Variants in HMCN1 observed in about 807,000 individuals in gnomAD.
The protein encoded by HMCN1 is hemicentin-1.
In HMCN1, 321 loss-of-function variants were observed where a neutral mutation model predicts 625.9. That is an observed-to-expected ratio of 0.51 (90% CI 0.47 to 0.56). The LOEUF (loss-of-function observed/expected upper bound fraction) is 0.56, where lower values mean the gene tolerates loss of function less well. HMCN1 is among the 20% of genes least tolerant of loss of function. The pLI is 0.00. For synonymous variants in HMCN1, 2,425 were observed against 2,417.6 expected (o/e 1.00, Z -0.09); for missense variants, 6,588 against 6,887.3 (o/e 0.96, Z 1.54).
At chr1:186,029,602 A>G (rs927853117) in intron 36 of HMCN1, among the ~76,000 whole-genome samples, 6 of 151,440 alleles carry the variant, frequency 4.0e-5, no homozygotes, top group Non-Finnish European at 8.8e-5. Context: ...GATTGTAGTA[A>G]TTAGATCTTC....
Position 186,107,007 on chromosome 1 carries a change from C to A in HMCN1, c.10852+42C>A, listed in dbSNP as rs555684621. The A allele has an allele frequency of 1.4e-5, 17 of 1,190,208 alleles. No individual in the cohort carries two copies. In the East Asian group the frequency reaches 3.5e-4, roughly 24 times the overall value. The allele number at this position is 1,190,208 out of a possible 1,614,324, so 73.7% of individuals were successfully genotyped here. On this transcript the variant is annotated intron_variant, in intron 70 of 106. Coordinates refer to ENST00000271588, the MANE Select transcript of HMCN1 (RefSeq NM_031935.3). ...ATCCTACAGTCTATCATACACACAC[C>A]TAATTAGAAAACCCTGGGACAACAC... is the stretch of plus-strand genomic sequence containing the variant.
chr1:185,982,893 A>G (rs1281064753), intron 18 of HMCN1, among the ~76,000 whole-genome samples: 1 of 152,154 alleles, frequency 6.6e-6, no homozygotes, highest in African/African-American at 2.4e-5. Flanking sequence ...TGGCATTAAT[A>G]AAATGGAGAA....
At chr1:185,795,538 C>A (rs1446956828) in intron 1 of HMCN1, among the ~76,000 whole-genome samples, 1 of 152,178 alleles carries the variant, frequency 6.6e-6, no homozygotes, top group Non-Finnish European at 1.5e-5. Context: ...GTGCCAAATT[C>A]TACTTTACTA....
intron 65 of HMCN1, 71 bp downstream of exon 65, chr1:186,093,329 C>A: frequency 6.3e-7 from 1 of 1,599,064 alleles, no homozygotes; most frequent in Non-Finnish European, 8.6e-7. Flanking sequence ...GAAGGCCCAG[C>A]AGCAGGTGTC....
At chr1:186,179,118 A>G (rs1360655277) in intron 104 of HMCN1, among the ~76,000 whole-genome samples, 1 of 152,210 alleles carries the variant, frequency 6.6e-6, no homozygotes, top group Non-Finnish European at 1.5e-5. Flanking sequence ...ACGTAATGCC[A>G]TCAGATTATG....
chr1:186,055,663 T>C lies in HMCN1; in HGVS notation c.7133T>C (p.Leu2378Ser). 6.2e-7 allele frequency: 1 copy of C among 1,612,472 alleles called. No homozygotes were observed. Among genetic ancestry groups the C allele is most frequent in the Non-Finnish European group, 8.5e-7 (1 of 1,178,890 alleles). ...GGAATGACTGACAAAAAATATGACT[T>C]AAGTGTCCATGGTAAGTAGAAAGAG... Reference protein sequence around the residue: ...VAGMTDKKYDLSVHAPPSIIG... With the variant: ...VAGMTDKKYDSSVHAPPSIIG... Residue 2378 changes from leucine (L) to serine (S), a missense_variant, in exon 45 of 107, where the codon TTA becomes TCA. Around this residue, in one of 3 missense-constraint regions of HMCN1, gnomAD observed 4,628 missense variants for 4,853.1 expected, o/e 0.95. Transcript: ENST00000271588.
rs1320790631 is a variant in HMCN1 at position 186,053,855 on chromosome 1, G to A, written c.6731G>A (p.Arg2244Gln). The A allele has an allele frequency of 4.3e-6, 7 of 1,612,492 alleles. No homozygotes were observed. Among genetic ancestry groups the A allele is most frequent in the Middle Eastern group, 1.6e-4 (1 of 6,072 alleles). The change falls in exon 44 of 107, where the codon CGA (arginine) becomes CAA (glutamine). Residue 2244 changes from arginine to glutamine, a missense_variant. Physicochemically the swap from Arg to Gln is conservative, Grantham distance 43. Transcript: ENST00000271588. ...GSPVLTDSMGRVRILSGGRQL... is the reference protein window; with the variant it reads ...GSPVLTDSMGQVRILSGGRQL... ...CCAGTGCTGACTGATTCCATGGGGC[G>A]AGTTAGAATTTTATCTGGGGGCAGG...
chr1:185,789,935 A>G (rs948595895), intron 1 of HMCN1, among the ~76,000 whole-genome samples: 1 of 152,232 alleles, frequency 6.6e-6, no homozygotes, highest in African/African-American at 2.4e-5. Context: ...AAATCTGTTT[A>G]AAAGAGCTTC....
chr1:186,039,811 A>G lies in HMCN1; in HGVS notation c.6112A>G (p.Ile2038Val). 6.2e-7 allele frequency: 1 copy of G among 1,613,524 alleles called. No individual in the cohort carries two copies. The highest frequency in any genetic ancestry group is 8.5e-7 in the Non-Finnish European group (1 of 1,179,610). Residue 2038 changes from isoleucine (I) to valine (V), a missense_variant, in exon 39 of 107, where the codon ATT becomes GTT. By Grantham distance (29) the Ile-to-Val change is conservative. Coordinates refer to ENST00000271588, the MANE Select transcript of HMCN1 (RefSeq NM_031935.3). Reference protein sequence around the residue: ...PVRLECEARGIPAPSLTWLKD... With the variant: ...PVRLECEARGVPAPSLTWLKD... Reference sequence around the variant, plus strand: ...GAGGTTAGAATGTGAAGCCAGAGGTATTCCTGCCCCAAGTCTGACCTGGTT... The same window carrying G: ...GAGGTTAGAATGTGAAGCCAGAGGTGTTCCTGCCCCAAGTCTGACCTGGTT...
rs1231503495 is a variant in HMCN1 at position 186,016,014 on chromosome 1, G to C, written c.4966G>C (p.Ala1656Pro). 6.2e-7 allele frequency: 1 copy of C among 1,613,372 alleles called. No homozygotes were observed. The highest frequency in any genetic ancestry group is 1.1e-5 in the South Asian group (1 of 91,064). ...GCCTTTGAATAAGCAAGTAGTTATTGCTCATTCTCTGACACTGGAGTGCAA... is the reference window on the plus strand; with the variant it reads ...GCCTTTGAATAAGCAAGTAGTTATTCCTCATTCTCTGACACTGGAGTGCAA... Reference protein sequence around the residue: ...ATPLNKQVVIAHSLTLECKAA... With the variant: ...ATPLNKQVVIPHSLTLECKAA... Residue 1656 changes from alanine to proline, a missense_variant, in exon 32 of 107, where the codon GCT becomes CCT. Physicochemically the swap from Ala to Pro is conservative, Grantham distance 27. Coordinates refer to ENST00000271588, the MANE Select transcript of HMCN1 (RefSeq NM_031935.3).
chr1:185,897,842 T>C (rs1043731511), intron 4 of HMCN1, among the ~76,000 whole-genome samples: 1 of 152,226 alleles, frequency 6.6e-6, no homozygotes, highest in Admixed American at 6.5e-5. Flanking sequence ...TCTTGTGATA[T>C]TTAACTCATC....
Position 185,864,464 on chromosome 1 carries a change from C to G in HMCN1, c.340-6C>G, listed in dbSNP as rs1265400068. On this transcript the variant is annotated splice_region_variant and splice_polypyrimidine_tract_variant and intron_variant, in intron 2 of 106. Transcript: ENST00000271588. ...ACGTAATTGAATTTTTCTCTCCACT[C>G]AACAGGGTGGTGGTGATTGCCCAGA... The G allele has an allele frequency of 1.2e-6, 2 of 1,613,512 alleles. No homozygotes were observed. The highest frequency in any genetic ancestry group is 2.7e-5 in the African/African-American group (2 of 74,912).
intron 35 of HMCN1, 44 bp downstream of exon 35, chr1:186,019,739 T>C: frequency 6.6e-7 from 1 of 1,506,594 alleles, no homozygotes; most frequent in East Asian, 2.3e-5. Flanking sequence ...AAGCTACATA[T>C]ATCTTCCTGG....
intron 1 of HMCN1, among the ~76,000 whole-genome samples, chr1:185,814,691 TA>T (rs1659734338): frequency 1.4e-5 from 2 of 141,528 alleles, no homozygotes; most frequent in African/African-American, 6.2e-5. Context: ...TAATTATTAT[TA>T]TTTATTTTTT....
chr1:185,912,981 G>A (rs975914063), intron 6 of HMCN1, among the ~76,000 whole-genome samples: 3 of 151,716 alleles, frequency 2.0e-5, no homozygotes, highest in East Asian at 3.9e-4. Context: ...CTGATATACC[G>A]TAGAAATTCA....
intron 4 of HMCN1, among the ~76,000 whole-genome samples, chr1:185,889,235 T>C (rs1664884091): frequency 1.4e-5 from 2 of 144,956 alleles, no homozygotes; most frequent in African/African-American, 2.8e-5. Flanking sequence ...TTTCTAGATA[T>C]ACAATCATGT....
chr1:186,043,835 C>G (rs748032391), intron 40 of HMCN1, among the ~76,000 whole-genome samples: 1 of 151,892 alleles, frequency 6.6e-6, no homozygotes, highest in Non-Finnish European at 1.5e-5. Context: ...TTTGGGAGGC[C>G]GAGGTGGGTG....
chr1:185,994,673 G>A, intron 23 of HMCN1, 142 bp from the exon 24 acceptor site: 2 of 777,352 alleles, frequency 2.6e-6, no homozygotes, highest in East Asian at 2.7e-5. Flanking sequence ...CACCTAGCTA[G>A]TGAATGATCC....
At chr1:185,916,131 A>G (rs1335340474) in intron 6 of HMCN1, among the ~76,000 whole-genome samples, 1 of 151,966 alleles carries the variant, frequency 6.6e-6, no homozygotes, top group Non-Finnish European at 1.5e-5. Context: ...CTAATCACAC[A>G]TTTCTCCAAA....
Sources: gnomAD v4.1 joint callset for allele counts (sites outside exome capture counted in the v4.1 genomes callset) on GRCh38, gnomAD v4.1.1 for gene constraint, gnomAD v4.1.1 regional missense constraint, MANE v1.5 for transcripts, NCBI Gene and HGNC (gene_info 2026-07-23, HGNC 2026-07-21) for gene names.